The following RBFOX1 variants were observed in gnomAD, a reference collection of about 807,000 sequenced individuals.
RBFOX1 encodes the protein RNA binding protein fox-1 homolog 1.
Under a neutral mutation model 57.7 loss-of-function variants are expected in RBFOX1, and 8 were observed. The observed-to-expected ratio is 0.14, with a 90% confidence interval of 0.08 to 0.25. The LOEUF (loss-of-function observed/expected upper bound fraction) is 0.25, where lower values mean the gene tolerates loss of function less well. Ranked by LOEUF, RBFOX1 falls within the 10% of genes least tolerant of loss-of-function variation. RBFOX1 has a pLI of 1.00. For missense variants in RBFOX1, 611 were observed against 548.5 expected (o/e 1.11, Z -1.14); for synonymous variants, 326 against 222.4 (o/e 1.47, Z -4.15).
At chr16:5,863,708 GA>G (rs1391603084) in intron 3 of RBFOX1, among the ~76,000 whole-genome samples, 1 of 152,298 alleles carries the variant, frequency 6.6e-6, no homozygotes, top group East Asian at 1.9e-4. Flanking sequence ...ATATTTAGCT[GA>G]TTGGTAAAAT....
chr16:6,613,003 ATGTGTGTGTGTGTGTGTGTG>A (rs57236292), intron 2 of RBFOX1, among the ~76,000 whole-genome samples: 11 of 143,248 alleles, frequency 7.7e-5, no homozygotes, highest in East Asian at 4.1e-4. Flanking sequence ...CAGTCCCAGC[ATGTGTGTGTGTGTGTGTGTG>A]TGTGTGTGTG....
chr16:6,624,813 C>T (rs1452923362), intron 2 of RBFOX1, among the ~76,000 whole-genome samples: 2 of 152,238 alleles, frequency 1.3e-5, no homozygotes, highest in East Asian at 3.9e-4. Context: ...TCAGTGAATA[C>T]TTAGCACATA....
At chr16:6,967,778 G>A (rs1280608844) in intron 3 of RBFOX1, among the ~76,000 whole-genome samples, 2 of 152,096 alleles carry the variant, frequency 1.3e-5, no homozygotes, top group Non-Finnish European at 2.9e-5. Flanking sequence ...TGGGGAATGT[G>A]TGGGAGGCAG....
chr16:5,541,984 C>T (rs569326114), intron 2 of RBFOX1, among the ~76,000 whole-genome samples: 2 of 152,138 alleles, frequency 1.3e-5, no homozygotes, highest in East Asian at 3.9e-4. Context: ...TTTTGGTGCA[C>T]CATCACCAGG....
intron 4 of RBFOX1, among the ~76,000 whole-genome samples, chr16:7,227,686 G>C (rs963371243): frequency 6.6e-6 from 1 of 152,142 alleles, no homozygotes; most frequent in Non-Finnish European, 1.5e-5. Flanking sequence ...CTTCCAGCGG[G>C]CATTTGGGTC....
At chr16:7,246,277 A>C (rs11862525) in intron 4 of RBFOX1, among the ~76,000 whole-genome samples, 40,247 of 151,960 alleles carry the variant, frequency 0.26, 5,887 homozygotes, top group Middle Eastern at 0.43. Flanking sequence ...ATGCAATCCA[A>C]TTGCCTCTCA....
chr16:5,299,838 T>C (rs2063760105), intron 1 of RBFOX1, among the ~76,000 whole-genome samples: 1 of 152,168 alleles, frequency 6.6e-6, no homozygotes, highest in African/African-American at 2.4e-5. Context: ...TGGATACAAG[T>C]GGGGATAATG....
At chr16:7,026,073 G>C (rs2040830929) in intron 3 of RBFOX1, among the ~76,000 whole-genome samples, 1 of 152,192 alleles carries the variant, frequency 6.6e-6, no homozygotes, top group African/African-American at 2.4e-5. Flanking sequence ...GCTGTGTCCA[G>C]GCTGGGGTGC....
Position 6,506,624 on chromosome 16 carries a change from A to ATTTTTTT in RBFOX1, c.-63-147944_-63-147938dup, listed in dbSNP as rs71145238. 3.1e-4 allele frequency among the ~76,000 whole-genome samples: 31 copies of ATTTTTTT among 98,454 alleles called. 1 individual carries two copies. The highest frequency in any genetic ancestry group is 9.6e-4 in the African/African-American group (22 of 22,972). The allele number at this position is 98,454 out of a possible 152,430, so 64.6% of individuals were successfully genotyped here. A position where few individuals can be genotyped will look rare whatever the true frequency, so the allele number is the denominator to read the frequency against. On this transcript the variant is annotated intron_variant, in intron 2 of 15. Coordinates refer to ENST00000550418, the MANE Select transcript of RBFOX1 (RefSeq NM_018723.4). ...ACGGTAATAACAATCACAGTAGCTA[A>ATTTTTTT]TTTTTTTTTTTTTTTTTTTTTTTTT... is the stretch of plus-strand genomic sequence containing the variant.
intron 1 of RBFOX1, among the ~76,000 whole-genome samples, chr16:5,268,170 C>T: frequency 6.6e-6 from 1 of 152,114 alleles, no homozygotes. Context: ...TGGGCAAGCA[C>T]CTTGATCGGC....
chr16:7,466,611 C>T (rs2060572164), intron 4 of RBFOX1, among the ~76,000 whole-genome samples: 1 of 152,196 alleles, frequency 6.6e-6, no homozygotes, highest in South Asian at 2.1e-4. Context: ...TGGATCCCAG[C>T]TCTGCACTCA....
Position 6,210,593 on chromosome 16 carries a change from A to G in RBFOX1, c.-126-106402A>G, listed in dbSNP as rs137956078. Among the ~76,000 whole-genome samples the G allele has an allele frequency of 8.2e-4, 124 of 151,952 alleles. 1 individual carries two copies. Among genetic ancestry groups the G allele is most frequent in the East Asian group, 5.8e-3 (30 of 5,142 alleles). ...AAAAATTAGCTGGGTGAGATGGTGC[A>G]TGTCTGTGGTCCCAACTACTTGGTA... On this transcript the variant is annotated intron_variant, in intron 1 of 15. Transcript: ENST00000550418.
At chr16:5,460,047 C>G (rs1286492658) in intron 1 of RBFOX1, among the ~76,000 whole-genome samples, 1 of 152,162 alleles carries the variant, frequency 6.6e-6, no homozygotes, top group East Asian at 1.9e-4. Context: ...TCCTAAAAGT[C>G]AATGATGAGT....
At chr16:5,653,395 G>T (rs954637668) in intron 3 of RBFOX1, among the ~76,000 whole-genome samples, 2 of 151,284 alleles carry the variant, frequency 1.3e-5, no homozygotes, top group Non-Finnish European at 2.9e-5. Context: ...GGAAGGTGGG[G>T]TGCTGAGCCG....
chr16:7,336,001 T>C (rs928108612), intron 4 of RBFOX1, among the ~76,000 whole-genome samples: 3 of 152,212 alleles, frequency 2.0e-5, no homozygotes, highest in East Asian at 1.9e-4. Context: ...TGTACAAATA[T>C]TGGCTGCTTT....
At chr16:6,600,259 C>T (rs995717534) in intron 2 of RBFOX1, among the ~76,000 whole-genome samples, 2 of 151,882 alleles carry the variant, frequency 1.3e-5, no homozygotes, top group African/African-American at 4.9e-5. Context: ...AATCTCGGGG[C>T]TTTTGTTCTC....
chr16:5,290,633 A>T (rs2063510673), intron 1 of RBFOX1, among the ~76,000 whole-genome samples: 1 of 152,072 alleles, frequency 6.6e-6, no homozygotes. Context: ...TGAGTTCACT[A>T]GGTGGATAAA....
chr16:5,641,538 C>A (rs904005837), intron 3 of RBFOX1, among the ~76,000 whole-genome samples: 1 of 152,158 alleles, frequency 6.6e-6, no homozygotes, highest in Non-Finnish European at 1.5e-5. Context: ...GGTCACTGTG[C>A]CACCTAGCTC....
chr16:6,530,249 G>A (rs549448844), intron 2 of RBFOX1, among the ~76,000 whole-genome samples: 3 of 152,104 alleles, frequency 2.0e-5, no homozygotes, highest in Admixed American at 6.6e-5. Flanking sequence ...AGGAAGAAGC[G>A]GCAAAGAGTC....
Sources: allele counts gnomAD v4.1 joint callset (sites outside exome capture counted in the v4.1 genomes callset), GRCh38; gene constraint gnomAD v4.1.1; transcripts MANE v1.5; gene names NCBI Gene and HGNC (gene_info 2026-07-23, HGNC 2026-07-21).